ZNF341: variants seen among roughly 807,000 people sequenced by gnomAD.
ZNF341 encodes zinc finger protein 341.
In ZNF341, 52 loss-of-function variants were observed where a neutral mutation model predicts 87.7. That is an observed-to-expected ratio of 0.59 (90% CI 0.47 to 0.75). ZNF341 has a LOEUF of 0.75. ZNF341 is among the 30% of genes least tolerant of loss of function. The pLI, the probability that ZNF341 is intolerant of heterozygous loss-of-function variation, is 0.00. For missense variants in ZNF341, 977 were observed against 1,145.9 expected (o/e 0.85, Z 2.13); for synonymous variants, 459 against 472.7 (o/e 0.97, Z 0.38).
intron 12 of ZNF341, chr20:33,788,612 A>C (rs2019924243): frequency 2.0e-6 from 1 of 504,916 alleles, no homozygotes. Flanking sequence ...TGCTGCCCAG[A>C]CCATCTCCCT....
At chr20:33,749,158 G>A in intron 4 of ZNF341, 86 bp downstream of exon 4, 1 of 1,506,170 alleles carries the variant, frequency 6.6e-7, no homozygotes, top group East Asian at 2.3e-5. Context: ...AGAATAAAGG[G>A]GGCCTGGCCC....
intron 10 of ZNF341, among the ~76,000 whole-genome samples, chr20:33,775,691 A>T (rs2019614079): frequency 6.6e-6 from 1 of 151,828 alleles, no homozygotes; most frequent in Non-Finnish European, 1.5e-5. Context: ...ATTTTGTCAT[A>T]ATTTTATTAT....
At chr20:33,759,778 GA>G (rs1360046442) in intron 7 of ZNF341, among the ~76,000 whole-genome samples, 4 of 151,636 alleles carry the variant, frequency 2.6e-5, no homozygotes, top group Non-Finnish European at 5.9e-5. Flanking sequence ...GAGAGGGAGA[GA>G]GAGAGAGAGA....
intron 14 of ZNF341, among the ~76,000 whole-genome samples, chr20:33,789,866 G>A (rs541648515): frequency 4.6e-4 from 70 of 152,220 alleles, no homozygotes; most frequent in African/African-American, 1.7e-3. Flanking sequence ...TAATAGAGGT[G>A]TGGACGAGGT....
chr20:33,770,897 G>A (rs2019518077), intron 10 of ZNF341, among the ~76,000 whole-genome samples: 1 of 152,080 alleles, frequency 6.6e-6, no homozygotes, highest in African/African-American at 2.4e-5. Context: ...GAGGCGGGCA[G>A]ATGATGAGGT....
At position 33,760,047 on chromosome 20, in the gene ZNF341, A is replaced by G. The variant is rs1306854077; in HGVS notation, c.1028+1241A>G. Among the ~76,000 whole-genome samples the G allele has an allele frequency of 4.1e-4, 63 of 152,242 alleles. 1 individual carries two copies. The highest frequency in any genetic ancestry group is 7.3e-5 in the Non-Finnish European group (5 of 68,048). ...TTCCCTGGAGGGCAAAACTGGCCTC[A>G]GTTGAGAACTGGTCTACACAAGTGC... On this transcript the variant is annotated intron_variant, in intron 7 of 14. Transcript: ENST00000375200.
chr20:33,778,312 T>G (rs1767951642), intron 10 of ZNF341, among the ~76,000 whole-genome samples: 1 of 152,048 alleles, frequency 6.6e-6, no homozygotes, highest in South Asian at 2.1e-4. Context: ...TTTTCTTTTC[T>G]TTTTTTATTT....
chr20:33,732,199 G>A lies in ZNF341; in HGVS notation c.31+147G>A, dbSNP rs1390492774. The A allele has an allele frequency of 8.5e-6, 5 of 588,356 alleles. No individual in the cohort carries two copies. Among genetic ancestry groups the A allele is most frequent in the Admixed American group, 6.4e-5 (1 of 15,644 alleles). 36.4% of individuals were successfully genotyped at this position (588,356 alleles called of 1,614,324 possible). A position where few individuals can be genotyped will look rare whatever the true frequency, so the allele number is the denominator to read the frequency against. ...CAGCCGCGGGGCGGGAGGGGCGCGG[G>A]CGGGAACAGCGCGGGAGCCGAGGCC... On this transcript the variant is annotated intron_variant, in intron 1 of 14. Transcript: ENST00000375200. The surrounding 1 kb of genome is among the most constrained non-coding windows in gnomAD (Gnocchi z 4.5).
chr20:33,789,986 A>G (rs560046963), intron 14 of ZNF341, among the ~76,000 whole-genome samples: 14 of 152,242 alleles, frequency 9.2e-5, no homozygotes, highest in African/African-American at 2.9e-4. Flanking sequence ...GCCTCCTCAG[A>G]GCAGCCTGGC....
In ZNF341 at chr20:33,792,047, C is replaced by T. The variant is rs2020049690; in HGVS notation, c.*530C>T. On this transcript the variant is annotated 3_prime_UTR_variant, in exon 15 of 15. Coordinates refer to ENST00000375200, the MANE Select transcript of ZNF341 (RefSeq NM_001282933.2). Reference sequence around the variant, plus strand: ...TCACGGCTAGACTGCAGCTATGAGACAGATCTGGCTTCAAATCCAAGAGTT... The same window carrying T: ...TCACGGCTAGACTGCAGCTATGAGATAGATCTGGCTTCAAATCCAAGAGTT... 1 of 153,614 alleles carries T rather than the reference C, an allele frequency of 6.5e-6. No individual in the cohort carries two copies. The highest frequency in any genetic ancestry group is 6.5e-5 in the Admixed American group (1 of 15,384). 9.5% of individuals were successfully genotyped at this position (153,614 alleles called of 1,614,324 possible).
chr20:33,736,563 C>T (rs1333918768), intron 1 of ZNF341, among the ~76,000 whole-genome samples: 1 of 152,084 alleles, frequency 6.6e-6, no homozygotes, highest in Non-Finnish European at 1.5e-5. Context: ...GATCTTGGCT[C>T]ACTGCAACCT....
rs1396516523 is a variant in ZNF341 at position 33,753,414 on chromosome 20, A to G, written c.732A>G (p.Pro244=). The change falls in exon 5 of 15, where the codon CCA becomes CCG. Residue 244 remains proline, a synonymous_variant. Coordinates refer to ENST00000375200, the MANE Select transcript of ZNF341 (RefSeq NM_001282933.2). ...EIQALGMQPY[P]PLEVPNQCVE... The stretch of plus-strand genomic sequence containing the variant: ...AGGCACTGGGGATGCAGCCCTACCC[A>G]CCCCTAGAGGTGAGCAGAGGGGGCA... The G allele has an allele frequency of 4.4e-6, 7 of 1,600,292 alleles. No homozygotes were observed. The highest frequency in any genetic ancestry group is 6.0e-6 in the Non-Finnish European group (7 of 1,173,704).
intron 8 of ZNF341, among the ~76,000 whole-genome samples, chr20:33,764,279 G>A (rs924170056): frequency 2.7e-5 from 4 of 149,574 alleles, no homozygotes; most frequent in East Asian, 2.0e-4. Flanking sequence ...CACTCACCTC[G>A]GCCTCCCAAA....
rs747903482 is a variant in ZNF341 at position 33,753,278 on chromosome 20, C to T, written c.596C>T (p.Pro199Leu). 6.8e-6 allele frequency: 11 copies of T among 1,612,140 alleles called. No homozygotes were observed. Among genetic ancestry groups the T allele is most frequent in the Non-Finnish European group, 9.3e-6 (11 of 1,179,618 alleles). ...CCGCCACCACCTCAGCCTCCACCAC[C>T]TCCACCCCAGAGCCTGGGCCCCCCT... ...PPPPPPQPPP[P>L]PPQSLGPPGR... The change falls in exon 5 of 15, where the codon CCT (proline) becomes CTT (leucine). Residue 199 changes from proline (P) to leucine (L), a missense_variant. Pro to Leu is a moderately conservative substitution (Grantham distance 98). Coordinates refer to ENST00000375200, the MANE Select transcript of ZNF341 (RefSeq NM_001282933.2).
chr20:33,766,343 C>T (rs1251874811), intron 8 of ZNF341, among the ~76,000 whole-genome samples: 2 of 151,948 alleles, frequency 1.3e-5, no homozygotes, highest in African/African-American at 2.4e-5. Context: ...TACAGGCACC[C>T]TCCACCACGC....
intron 1 of ZNF341, among the ~76,000 whole-genome samples, chr20:33,737,464 G>A (rs111331389): frequency 0.086 from 13,112 of 152,242 alleles, 956 homozygotes; most frequent in East Asian, 0.23. Context: ...TGGGACTGCA[G>A]GCACCTGCCA....
intron 14 of ZNF341, 59 bp downstream of exon 14, chr20:33,789,647 A>C (rs1601296760): frequency 1.9e-6 from 3 of 1,566,254 alleles, no homozygotes; most frequent in Non-Finnish European, 2.6e-6. Context: ...ACTGGGATAG[A>C]CCCGCCAGGA....
chr20:33,750,857 T>C (rs1601245527), intron 4 of ZNF341, among the ~76,000 whole-genome samples: 1 of 152,172 alleles, frequency 6.6e-6, no homozygotes, highest in Non-Finnish European at 1.5e-5. Context: ...GCCAGGCTGG[T>C]CTTGAACTCC....
At chr20:33,772,051 C>T (rs184323879) in intron 10 of ZNF341, among the ~76,000 whole-genome samples, 1 of 116,114 alleles carries the variant, frequency 8.6e-6, no homozygotes, top group African/African-American at 3.1e-5. Context: ...TCACGTCATT[C>T]TCTTTGGACC....
Sources: gnomAD v4.1 joint callset for allele counts (sites outside exome capture counted in the v4.1 genomes callset) on GRCh38, gnomAD v4.1.1 for gene constraint, Gnocchi (gnomAD v3.1) non-coding constraint, MANE v1.5 for transcripts, NCBI Gene and HGNC (gene_info 2026-07-23, HGNC 2026-07-21) for gene names.